Variants in RETREG1 observed in about 807,000 individuals in gnomAD.
The protein encoded by RETREG1 is reticulophagy regulator 1.
In RETREG1, 44 loss-of-function variants were observed where a neutral mutation model predicts 54.8. The observed-to-expected ratio is 0.80, with a 90% CI of 0.63 to 1.03. RETREG1 has a LOEUF of 1.03. Among genes scored for constraint, RETREG1 ranks in the 50% least tolerant of loss-of-function variants. RETREG1 has a pLI of 0.00. For missense variants in RETREG1, 554 were observed against 605.1 expected, an observed-to-expected ratio of 0.92 and a Z score of 0.89; for synonymous variants, 217 against 238.5, an observed-to-expected ratio of 0.91 and a Z score of 0.83.
intron 3 of RETREG1, among the ~76,000 whole-genome samples, chr5:16,492,233 A>G (rs112973765): frequency 8.3e-6 from 1 of 120,614 alleles, no homozygotes; most frequent in East Asian, 2.3e-4. Context: ...TCTCTCTCAC[A>G]CACACACACA....
chr5:16,613,862 C>T (rs929869971), intron 1 of RETREG1, among the ~76,000 whole-genome samples: 1 of 151,632 alleles, frequency 6.6e-6, no homozygotes, highest in Non-Finnish European at 1.5e-5. Context: ...TTAAAGAAAA[C>T]GTAATGTCCT....
chr5:16,518,438 A>G (rs2126577285), intron 3 of RETREG1, among the ~76,000 whole-genome samples: 1 of 151,976 alleles, frequency 6.6e-6, no homozygotes, highest in Non-Finnish European at 1.5e-5. Flanking sequence ...AAGGACCTAC[A>G]CTATGGTTTT....
chr5:16,509,132 T>G, intron 3 of RETREG1: 4 of 573,836 alleles, frequency 7.0e-6, no homozygotes, highest in Non-Finnish European at 8.8e-6. Context: ...TCAAATCTCC[T>G]CCTTCAAGTC....
At chr5:16,576,111 G>A (rs1394997151) in intron 1 of RETREG1, among the ~76,000 whole-genome samples, 1 of 152,112 alleles carries the variant, frequency 6.6e-6, no homozygotes, top group African/African-American at 2.4e-5. Flanking sequence ...CACAAAAAGA[G>A]AGGCCAGAGT....
At position 16,561,522 on chromosome 5, in the gene RETREG1, A is replaced by G. The variant is rs1351957516; in HGVS notation, c.458+4241T>C. On this transcript the variant is annotated intron_variant, in intron 3 of 8. Coordinates refer to ENST00000306320, the MANE Select transcript of RETREG1 (RefSeq NM_001034850.3). This position sits in a 1 kb window ranked among gnomAD's most constrained non-coding sequence, Gnocchi z 4.2. ...AAAAAATAATAATAATAAAATAAATAAAATAAAATAAAATACAAATACAAA... is the reference window on the plus strand; with the variant it reads ...AAAAAATAATAATAATAAAATAAATGAAATAAAATAAAATACAAATACAAA... 1.3e-5 allele frequency among the ~76,000 whole-genome samples: 2 copies of G among 151,914 alleles called. No individual in the cohort carries two copies. Among genetic ancestry groups the G allele is most frequent in the African/African-American group, 4.8e-5 (2 of 41,350 alleles).
intron 1 of RETREG1, among the ~76,000 whole-genome samples, chr5:16,603,277 C>T (rs1003530516): frequency 1.3e-5 from 2 of 152,068 alleles, no homozygotes; most frequent in African/African-American, 2.4e-5. Flanking sequence ...TCATTTTTTT[C>T]TTTGACCCAA....
At chr5:16,480,599 T>C (rs1738726017) in intron 5 of RETREG1, among the ~76,000 whole-genome samples, 1 of 152,124 alleles carries the variant, frequency 6.6e-6, no homozygotes, top group Admixed American at 6.6e-5. Flanking sequence ...TCTGCATCCC[T>C]CCTAATACTT....
rs375988448 is a variant in RETREG1 at position 16,565,913 on chromosome 5, G to A, written c.428-120C>T. The A allele has an allele frequency of 2.8e-4, 300 of 1,066,562 alleles. 1 individual carries two copies. In the African/African-American group the frequency reaches 3.9e-3, roughly 14 times the overall value. 66.1% of individuals were successfully genotyped at this position (1,066,562 alleles called of 1,614,324 possible). Reference sequence around the variant, plus strand: ...GAATGCTCAGATCTCTAACACTCAGGACACCATCAAGTCATACAGTGTACA... The same window carrying A: ...GAATGCTCAGATCTCTAACACTCAGAACACCATCAAGTCATACAGTGTACA... On this transcript the variant is annotated intron_variant, in intron 2 of 8. Coordinates refer to ENST00000306320, the MANE Select transcript of RETREG1 (RefSeq NM_001034850.3).
chr5:16,519,005 G>A (rs769804715), intron 3 of RETREG1, among the ~76,000 whole-genome samples: 4 of 152,186 alleles, frequency 2.6e-5, no homozygotes, highest in Non-Finnish European at 5.9e-5. Flanking sequence ...CTGGAACAAA[G>A]TGGAAGAGGA....
chr5:16,587,553 T>G (rs1365283640), intron 1 of RETREG1, among the ~76,000 whole-genome samples: 1 of 152,204 alleles, frequency 6.6e-6, no homozygotes, highest in East Asian at 1.9e-4. Context: ...ACGTCTATCT[T>G]TCAAATCCTC....
intron 1 of RETREG1, among the ~76,000 whole-genome samples, chr5:16,607,680 G>A (rs1351616136): frequency 6.6e-6 from 1 of 151,836 alleles, no homozygotes; most frequent in African/African-American, 2.4e-5. Flanking sequence ...AGAAAGGGAG[G>A]AATATTATGG....
intron 5 of RETREG1, among the ~76,000 whole-genome samples, chr5:16,480,044 T>G (rs1738699752): frequency 6.6e-6 from 1 of 152,054 alleles, no homozygotes; most frequent in African/African-American, 2.4e-5. Flanking sequence ...TGCATACAAC[T>G]AAGAAGCCAT....
At chr5:16,571,304 T>C (rs1299142000) in intron 2 of RETREG1, among the ~76,000 whole-genome samples, 1 of 152,210 alleles carries the variant, frequency 6.6e-6, no homozygotes, top group African/African-American at 2.4e-5. Context: ...AATGTCTCTT[T>C]GTAACCTCCT....
At chr5:16,615,867 A>G (rs1202655439) in intron 1 of RETREG1, 1 of 152,262 alleles carries the variant, frequency 6.6e-6, no homozygotes, top group East Asian at 1.9e-4. Flanking sequence ...GAGGACACTT[A>G]GCAAACAAAG....
chr5:16,483,530 T>C, intron 3 of RETREG1, 58 bp from the exon 4 acceptor site: 1 of 1,585,464 alleles, frequency 6.3e-7, no homozygotes, highest in South Asian at 1.1e-5. Context: ...ATTCAACATT[T>C]ATGGCTTTGG....
intron 1 of RETREG1, among the ~76,000 whole-genome samples, chr5:16,577,650 G>A (rs539238795): frequency 1.4e-4 from 21 of 152,152 alleles, no homozygotes; most frequent in Admixed American, 4.6e-4. Context: ...AACTGATATG[G>A]TTTGGCTGTG....
intron 3 of RETREG1, among the ~76,000 whole-genome samples, chr5:16,508,392 T>G (rs996387449): frequency 6.6e-6 from 1 of 152,240 alleles, no homozygotes; most frequent in Admixed American, 6.5e-5. Flanking sequence ...AAGAGGACAT[T>G]AAGTTATTTG....
rs78713211 is a variant in RETREG1 at position 16,474,685 on chromosome 5, T to C, written c.*56A>G. The C allele has an allele frequency of 1.9e-6, 3 of 1,540,620 alleles. No individual in the cohort carries two copies. The highest frequency in any genetic ancestry group is 1.4e-5 in the African/African-American group (1 of 71,290). On this transcript the variant is annotated 3_prime_UTR_variant, in exon 9 of 9. Transcript: ENST00000306320. The stretch of plus-strand genomic sequence containing the variant: ...TTTCTTTTCCTTTTTTTTTTTTTTT[T>C]CTTGTTTGAAATTTTTTTGGTGTTT...
At chr5:16,566,709 T>C (rs2126629541) in intron 2 of RETREG1, among the ~76,000 whole-genome samples, 1 of 152,366 alleles carries the variant, frequency 6.6e-6, no homozygotes, top group African/African-American at 2.4e-5. Context: ...CCTTTTTGCC[T>C]TGGCTGCCAA....
Sources: gnomAD v4.1 joint callset for allele counts (sites outside exome capture counted in the v4.1 genomes callset) on GRCh38, gnomAD v4.1.1 for gene constraint, Gnocchi (gnomAD v3.1) non-coding constraint, MANE v1.5 for transcripts, NCBI Gene and HGNC (gene_info 2026-07-23, HGNC 2026-07-21) for gene names.